The following ABCB11 variants were observed in gnomAD, a reference collection of about 807,000 sequenced individuals.
ABCB11 encodes the protein bile salt export pump.
A neutral mutation model predicts 148.0 loss-of-function variants in ABCB11; 95 were observed. The ratio of observed to expected loss-of-function variants is 0.64; its 90% CI spans 0.54 to 0.76. The LOEUF (loss-of-function observed/expected upper bound fraction) is 0.76. Among genes scored for constraint, ABCB11 ranks in the 30% least tolerant of loss-of-function variants. The pLI is 0.00. For missense variants in ABCB11, 1,523 were observed against 1,617.8 expected (o/e 0.94, Z 1.01); for synonymous variants, 591 against 555.4 (o/e 1.06, Z -0.90).
chr2:168,947,242 T>A (rs1257350818), intron 19 of ABCB11, among the ~76,000 whole-genome samples: 1 of 151,798 alleles, frequency 6.6e-6, no homozygotes, highest in Non-Finnish European at 1.5e-5. Context: ...TCTTGCTCCT[T>A]ATACAGATGA....
chr2:168,964,341 A>G, intron 17 of ABCB11, 33 bp from the exon 18 acceptor site: 1 of 1,509,974 alleles, frequency 6.6e-7, no homozygotes. Flanking sequence ...AACAGTGTAG[A>G]CTGTGGCCAG....
chr2:169,004,008 G>A (rs1694952794), intron 5 of ABCB11, among the ~76,000 whole-genome samples: 1 of 152,180 alleles, frequency 6.6e-6, no homozygotes, highest in Admixed American at 6.5e-5. Context: ...TAGGGTTTCT[G>A]CTGAGAAGTC....
intron 5 of ABCB11, among the ~76,000 whole-genome samples, chr2:169,005,659 T>G (rs1275134310): frequency 6.6e-6 from 1 of 152,052 alleles, no homozygotes; most frequent in Non-Finnish European, 1.5e-5. Context: ...GGACACACAG[T>G]TTTTTGGCAT....
chr2:168,922,417 C>G lies in ABCB11; in HGVS notation c.*1205G>C, dbSNP rs1258762419. On this transcript the variant is annotated 3_prime_UTR_variant, in exon 28 of 28. Transcript: ENST00000650372. Reference sequence around the variant, plus strand: ...CAGGCGGGGCTCTGCAATTCTGTTTCCATACAGGCTTTTGGTCCATTCTTC... The same window carrying G: ...CAGGCGGGGCTCTGCAATTCTGTTTGCATACAGGCTTTTGGTCCATTCTTC... Among the ~76,000 whole-genome samples, 2 of 152,154 alleles carry G rather than the reference C, an allele frequency of 1.3e-5. No homozygotes were observed. The highest frequency in any genetic ancestry group is 4.8e-5 in the African/African-American group (2 of 41,428).
chr2:169,020,849 A>G (rs2106064506), intron 1 of ABCB11, among the ~76,000 whole-genome samples: 1 of 152,268 alleles, frequency 6.6e-6, no homozygotes, highest in South Asian at 2.1e-4. Context: ...ATATATTGAA[A>G]ACCATTGAAT....
chr2:168,989,057 A>G (rs1345864430), intron 9 of ABCB11, among the ~76,000 whole-genome samples: 2 of 152,070 alleles, frequency 1.3e-5, no homozygotes, highest in Non-Finnish European at 2.9e-5. Context: ...TGGGTTACAA[A>G]TATTTTCTCT....
At position 169,029,986 on chromosome 2, in the gene ABCB11, C is replaced by T. The variant is rs1287918885; in HGVS notation, c.-28+1239G>A. Among the ~76,000 whole-genome samples, 6 of 150,928 alleles carry T rather than the reference C, an allele frequency of 4.0e-5. 1 individual carries two copies. Among genetic ancestry groups the T allele is most frequent in the African/African-American group, 1.5e-4 (6 of 40,934 alleles). On this transcript the variant is annotated intron_variant, in intron 1 of 27. Coordinates refer to ENST00000650372, the MANE Select transcript of ABCB11 (RefSeq NM_003742.4). ...CGATCTCTTGACCTCATGATCCACC[C>T]GCCTCGGCCTCCCAAAGTGCTGAGA...
At position 168,957,898 on chromosome 2, in the gene ABCB11, C is replaced by T. The variant is rs546404566; in HGVS notation, c.2343+66G>A. 35 of 1,319,032 alleles carry T rather than the reference C, an allele frequency of 2.7e-5. No homozygotes were observed. The South Asian group carries it at 4.9e-4, about 18-fold the overall frequency. The allele number at this position is 1,319,032 out of a possible 1,614,324, so 81.7% of individuals were successfully genotyped here. A position where few individuals can be genotyped will look rare whatever the true frequency, so the allele number is the denominator to read the frequency against. On this transcript the variant is annotated intron_variant, in intron 19 of 27. Transcript: ENST00000650372. ...GAGCTAAATACATGAAAACAAAGAG[C>T]GGACTTATCAAAATAATAAAATAAA...
At chr2:169,027,278 C>G (rs1337079693) in intron 1 of ABCB11, among the ~76,000 whole-genome samples, 5 of 152,188 alleles carry the variant, frequency 3.3e-5, no homozygotes, top group Non-Finnish European at 7.3e-5. Flanking sequence ...TGTCTAAGCA[C>G]TAGTTGGCAG....
intron 1 of ABCB11, among the ~76,000 whole-genome samples, chr2:169,029,301 C>T (rs530608071): frequency 1.3e-5 from 2 of 151,138 alleles, no homozygotes; most frequent in South Asian, 4.2e-4. Flanking sequence ...GCCCTTAAAA[C>T]GTCTTTCACT....
chr2:169,014,236 C>CTGGG, intron 4 of ABCB11, 67 bp downstream of exon 4: 22 of 1,087,848 alleles, frequency 2.0e-5, no homozygotes, highest in Non-Finnish European at 3.1e-5. Flanking sequence ...AGATTTAACA[C>CTGGG]TCCCCTCATG....
intron 21 of ABCB11, among the ~76,000 whole-genome samples, chr2:168,940,027 GTCTC>G (rs1167365452): frequency 6.6e-6 from 1 of 151,922 alleles, no homozygotes; most frequent in African/African-American, 2.4e-5. Flanking sequence ...TGGTCATTCT[GTCTC>G]TCTCTCTTTC....
chr2:168,961,340 G>A (rs1236824196), intron 18 of ABCB11, among the ~76,000 whole-genome samples: 1 of 151,666 alleles, frequency 6.6e-6, no homozygotes, highest in Admixed American at 6.6e-5. Context: ...GAGGTTCCCT[G>A]CCCTAATAAT....
At chr2:168,973,957 A>T in intron 12 of ABCB11, 117 bp from the exon 13 acceptor site, 1 of 1,177,238 alleles carries the variant, frequency 8.5e-7, no homozygotes, top group Non-Finnish European at 1.2e-6. Context: ...GCGTTTATGT[A>T]TGCCCCCAAA....
chr2:168,945,099 A>G lies in ABCB11; in HGVS notation c.2344-138T>C, dbSNP rs544906774. On this transcript the variant is annotated intron_variant, in intron 19 of 27. Coordinates refer to ENST00000650372, the MANE Select transcript of ABCB11 (RefSeq NM_003742.4). ...ATAAAATATACAACACCAAGAGTGA[A>G]CCCTAATGTAAGCTGTGGATCTGTG... 1.3e-4 allele frequency: 81 copies of G among 606,006 alleles called. No homozygotes were observed. The African/African-American group carries it at 1.5e-3, about 11-fold the overall frequency. The allele number at this position is 606,006 out of a possible 1,614,324, so 37.5% of individuals were successfully genotyped here.
downstream of ABCB11, among the ~76,000 whole-genome samples, chr2:168,917,711 A>G (rs1690965967): frequency 6.6e-6 from 1 of 152,234 alleles, no homozygotes; most frequent in Admixed American, 6.5e-5. Context: ...GTGTAAGGAC[A>G]CATTCCAATG....
chr2:169,016,049 C>G (rs1287481197), intron 3 of ABCB11, among the ~76,000 whole-genome samples: 1 of 152,128 alleles, frequency 6.6e-6, no homozygotes, highest in Non-Finnish European at 1.5e-5. Context: ...CTCACCTCCT[C>G]TAAAAACAAA....
intron 26 of ABCB11, among the ~76,000 whole-genome samples, chr2:168,925,740 T>C (rs946672443): frequency 2.6e-5 from 4 of 152,142 alleles, no homozygotes; most frequent in Non-Finnish European, 5.9e-5. Context: ...TTAAGCCAGG[T>C]GAGACCCATG....
At chr2:168,972,116 G>T in intron 13 of ABCB11, 66 bp from the exon 14 acceptor site, 1 of 1,462,236 alleles carries the variant, frequency 6.8e-7, no homozygotes, top group East Asian at 2.4e-5. Context: ...ATAATATTAT[G>T]TCATACTTGA....
Sources: allele counts gnomAD v4.1 joint callset (sites outside exome capture counted in the v4.1 genomes callset), GRCh38; gene constraint gnomAD v4.1.1; transcripts MANE v1.5; gene names NCBI Gene and HGNC (gene_info 2026-07-23, HGNC 2026-07-21).